Variants in SLFN5 observed in about 807,000 individuals in gnomAD.
SLFN5 encodes the protein schlafen family member 5.
A neutral mutation model predicts 48.5 loss-of-function variants in SLFN5; 34 were observed. That is an observed-to-expected ratio of 0.70 (90% CI 0.53 to 0.93). SLFN5 has a LOEUF of 0.93. SLFN5 is among the 40% of genes least tolerant of loss of function. The pLI, the probability that SLFN5 is intolerant of heterozygous loss-of-function variation, is 0.00. For missense variants in SLFN5, 1,006 were observed against 1,071.3 expected, an observed-to-expected ratio of 0.94 and a Z score of 0.85; for synonymous variants, 387 against 396.2, an observed-to-expected ratio of 0.98 and a Z score of 0.28.
chr17:35,257,006 G>A (rs1014089518), intron 1 of SLFN5, among the ~76,000 whole-genome samples: 6 of 152,124 alleles, frequency 3.9e-5, no homozygotes, highest in African/African-American at 1.4e-4. Context: ...GTGCATGTGA[G>A]GGATCTAGGC....
rs753216244 is a variant in SLFN5 at position 35,264,163 on chromosome 17, C to G, written c.1139-20C>G. 6.5e-7 allele frequency: 1 copy of G among 1,546,654 alleles called. No individual in the cohort carries two copies. Among genetic ancestry groups the G allele is most frequent in the South Asian group, 1.3e-5 (1 of 79,326 alleles). Reference sequence around the variant, plus strand: ...TTGTCTGAGGCTTTTCTAATTTCTTCCCATCCTTTCCCTGTCTAGTATTTT... The same window carrying G: ...TTGTCTGAGGCTTTTCTAATTTCTTGCCATCCTTTCCCTGTCTAGTATTTT... On this transcript the variant is annotated intron_variant, in intron 3 of 4. Transcript: ENST00000299977.
At chr17:35,244,533 TC>T (rs2092426453) in intron 1 of SLFN5, among the ~76,000 whole-genome samples, 1 of 152,148 alleles carries the variant, frequency 6.6e-6, no homozygotes, top group Non-Finnish European at 1.5e-5. Context: ...AGAAGCCGAT[TC>T]CTAATCTGTC....
chr17:35,261,050 T>C lies in SLFN5; in HGVS notation c.1092T>C (p.His364=), dbSNP rs1282761280. The C allele has an allele frequency of 1.7e-5, 28 of 1,613,894 alleles. No individual in the cohort carries two copies. The highest frequency in any genetic ancestry group is 6.7e-5 in the Admixed American group (4 of 60,002). Residue 364 remains histidine, a synonymous_variant, in exon 3 of 5, where the codon CAT becomes CAC. Coordinates refer to ENST00000299977, the MANE Select transcript of SLFN5 (RefSeq NM_144975.4). ...ATPRSKPVCI[H]KNSECLKEQQ... ...CCCGCAGCAAGCCTGTGTGCATTCA[T>C]AAGAATTCGGAATGTCTGAAAGAGC... is the stretch of plus-strand genomic sequence containing the variant.
In SLFN5 at chr17:35,267,055, G is replaced by T. The variant is rs1484097042; in HGVS notation, c.*1167G>T. ...TTGAAGCTAGAATTGGTTTATTTCTGGCAGCTACTTACAATATTAAGAACT... is the reference window on the plus strand; with the variant it reads ...TTGAAGCTAGAATTGGTTTATTTCTTGCAGCTACTTACAATATTAAGAACT... On this transcript the variant is annotated 3_prime_UTR_variant, in exon 5 of 5. Coordinates refer to ENST00000299977, the MANE Select transcript of SLFN5 (RefSeq NM_144975.4). 6.6e-6 allele frequency: 1 copy of T among 152,130 alleles called. No individual in the cohort carries two copies. The highest frequency in any genetic ancestry group is 2.4e-5 in the African/African-American group (1 of 41,432). The allele number at this position is 152,130 out of a possible 1,614,324, so 9.4% of individuals were successfully genotyped here.
At chr17:35,263,978 C>G (rs1354525155) in intron 3 of SLFN5, among the ~76,000 whole-genome samples, 1 of 152,080 alleles carries the variant, frequency 6.6e-6, no homozygotes, top group Non-Finnish European at 1.5e-5. Context: ...GTATTGACCA[C>G]TTTTTACCAT....
At chr17:35,258,581 T>G (rs1904410486) in intron 1 of SLFN5, 70 bp from the exon 2 acceptor site, 1 of 1,367,422 alleles carries the variant, frequency 7.3e-7, no homozygotes, top group African/African-American at 1.4e-5. Flanking sequence ...TAGGATGGCC[T>G]TAATCTGTTG....
chr17:35,267,386 T>C lies in SLFN5; in HGVS notation c.*1498T>C, dbSNP rs934817445. On this transcript the variant is annotated 3_prime_UTR_variant, in exon 5 of 5. Transcript: ENST00000299977. ...ACACTATAAACATCTAATAGATATG[T>C]ATGAAAATTTAAAAACTAGAAAAGG... 3.9e-5 allele frequency: 6 copies of C among 152,068 alleles called. No individual in the cohort carries two copies. Among genetic ancestry groups the C allele is most frequent in the Non-Finnish European group, 8.8e-5 (6 of 68,024 alleles). The allele number at this position is 152,068 out of a possible 1,614,324, so 9.4% of individuals were successfully genotyped here.
intron 2 of SLFN5, 82 bp downstream of exon 2, chr17:35,259,784 A>ATCCCTCT: frequency 6.8e-7 from 1 of 1,461,290 alleles, no homozygotes; most frequent in Non-Finnish European, 9.2e-7. Flanking sequence ...GGGATATGGT[A>ATCCCTCT]TTCCTTGGAA....
chr17:35,250,045 C>T (rs866467934), intron 1 of SLFN5, among the ~76,000 whole-genome samples: 1 of 152,184 alleles, frequency 6.6e-6, no homozygotes, highest in Admixed American at 6.5e-5. Flanking sequence ...AAGGTCCTCT[C>T]CTATCCCCTA....
intron 3 of SLFN5, among the ~76,000 whole-genome samples, chr17:35,263,167 G>T (rs553880508): frequency 6.6e-6 from 1 of 152,180 alleles, no homozygotes; most frequent in African/African-American, 2.4e-5. Flanking sequence ...ATCTCACTCT[G>T]TTGTGCAGGC....
At chr17:35,245,045 C>T (rs1206811840) in intron 1 of SLFN5, among the ~76,000 whole-genome samples, 1 of 152,120 alleles carries the variant, frequency 6.6e-6, no homozygotes, top group Non-Finnish European at 1.5e-5. Flanking sequence ...GGGATATGTC[C>T]CAAGACCCTA....
chr17:35,245,422 T>C (rs1391598330), intron 1 of SLFN5, among the ~76,000 whole-genome samples: 1 of 152,226 alleles, frequency 6.6e-6, no homozygotes, highest in Non-Finnish European at 1.5e-5. Flanking sequence ...TTGAAACTTA[T>C]AAATTATTTA....
chr17:35,245,441 AT>A (rs1555588898), intron 1 of SLFN5, among the ~76,000 whole-genome samples: 1 of 152,144 alleles, frequency 6.6e-6, no homozygotes, highest in Non-Finnish European at 1.5e-5. Flanking sequence ...TATTTCTGGA[AT>A]TTTTCATTTA....
chr17:35,262,868 A>C (rs75749046), intron 3 of SLFN5, among the ~76,000 whole-genome samples: 79 of 151,960 alleles, frequency 5.2e-4, no homozygotes, highest in African/African-American at 1.5e-3. Flanking sequence ...CGTCCCCCCC[A>C]AAAAAAAGTC....
At position 35,257,311 on chromosome 17, in the gene SLFN5, C is replaced by T. The variant is rs554874892; in HGVS notation, c.-40-1340C>T. Among the ~76,000 whole-genome samples the T allele has an allele frequency of 5.9e-5, 9 of 152,284 alleles. No individual in the cohort carries two copies. In the East Asian group the frequency reaches 1.7e-3, roughly 29 times the overall value. On this transcript the variant is annotated intron_variant, in intron 1 of 4. Coordinates refer to ENST00000299977, the MANE Select transcript of SLFN5 (RefSeq NM_144975.4). ...GAAATCACCTTCCCTCAGAAGGGAACTTTGGGGTCCTAAAAAGATTAATTT... is the reference window on the plus strand; with the variant it reads ...GAAATCACCTTCCCTCAGAAGGGAATTTTGGGGTCCTAAAAAGATTAATTT...
At chr17:35,250,168 C>T (rs2092439117) in intron 1 of SLFN5, among the ~76,000 whole-genome samples, 1 of 152,210 alleles carries the variant, frequency 6.6e-6, no homozygotes, top group Non-Finnish European at 1.5e-5. Context: ...GCCTAACCCA[C>T]ACACCATCTG....
intron 3 of SLFN5, among the ~76,000 whole-genome samples, chr17:35,262,301 A>C (rs2142702487): frequency 1.3e-5 from 2 of 148,890 alleles, no homozygotes; most frequent in African/African-American, 5.0e-5. Flanking sequence ...AATCGCTTGA[A>C]CCCTGGAGGC....
Position 35,265,743 on chromosome 17 carries a change from G to A in SLFN5, c.2531G>A (p.Ser844Asn). ...DVLTDHIVLD[S>N]VCRFSGLERN... ...CTAACCGATCACATTGTGTTGGACA[G>A]TGTCTGTCGATTTTCAGGCCTGGAA... The change falls in exon 5 of 5, where the codon AGT becomes AAT. Residue 844 changes from serine (S) to asparagine (N), a missense_variant. Transcript: ENST00000299977. 6.2e-7 allele frequency: 1 copy of A among 1,614,224 alleles called. No individual in the cohort carries two copies. The highest frequency in any genetic ancestry group is 8.5e-7 in the Non-Finnish European group (1 of 1,180,042).
chr17:35,261,012 T>C lies in SLFN5; in HGVS notation c.1054T>C (p.Ser352Pro). The change falls in exon 3 of 5, where the codon TCA (serine) becomes CCA (proline). Residue 352 changes from serine (S) to proline (P), a missense_variant. Physicochemically the swap from Ser to Pro is moderately conservative, Grantham distance 74. Transcript: ENST00000299977. ...TGAGATGGTTCTCCAGTTGAGTTTG[T>C]CATCTGCCACGCCCCGCAGCAAGCC... is the stretch of plus-strand genomic sequence containing the variant. ...CPEMVLQLSLSSATPRSKPVC... is the reference protein window; with the variant it reads ...CPEMVLQLSLPSATPRSKPVC... 1.2e-6 allele frequency: 2 copies of C among 1,614,038 alleles called. No individual in the cohort carries two copies. The highest frequency in any genetic ancestry group is 1.7e-6 in the Non-Finnish European group (2 of 1,179,922).
Sources: allele counts gnomAD v4.1 joint callset (sites outside exome capture counted in the v4.1 genomes callset), GRCh38; gene constraint gnomAD v4.1.1; transcripts MANE v1.5; gene names NCBI Gene and HGNC (gene_info 2026-07-23, HGNC 2026-07-21).